The following PTPN9 variants were observed in gnomAD, a reference collection of about 807,000 sequenced individuals.
PTPN9 encodes tyrosine-protein phosphatase non-receptor type 9.
PTPN9 carries 26 observed loss-of-function variants against 69.8 expected under a neutral mutation model. The observed-to-expected ratio is 0.37, with a 90% CI of 0.27 to 0.52. The LOEUF is 0.52. PTPN9 is among the 20% of genes least tolerant of loss of function. The pLI, the probability that PTPN9 is intolerant of heterozygous loss-of-function variation, is 0.91. For synonymous variants in PTPN9, 274 were observed against 272.5 expected (o/e 1.01, Z -0.05); for missense variants, 549 against 740.3 (o/e 0.74, Z 3.00).
chr15:75,523,431 G>A (rs906637575), intron 3 of PTPN9, among the ~76,000 whole-genome samples, 186 bp from the exon 4 acceptor site: 1 of 151,932 alleles, frequency 6.6e-6, no homozygotes, highest in African/African-American at 2.4e-5. Context: ...ATTCTCCCAG[G>A]ACTCCCTGGA....
At chr15:75,551,408 T>G (rs1309935190) in intron 1 of PTPN9, among the ~76,000 whole-genome samples, 1 of 152,104 alleles carries the variant, frequency 6.6e-6, no homozygotes, top group African/African-American at 2.4e-5. Context: ...CATACTGGAG[T>G]GCAGTGCCAC....
rs533272088 is a variant in PTPN9 at position 75,568,171 on chromosome 15, T to G, written c.63+10543A>C. ...TGAGTTCTGGAGCTTCTCTGCCTCC[T>G]GTTCGCACCCTCCATGTCCATGTTT... is the stretch of plus-strand genomic sequence containing the variant. On this transcript the variant is annotated intron_variant, in intron 1 of 12. Transcript: ENST00000618819. 6.6e-5 allele frequency among the ~76,000 whole-genome samples: 10 copies of G among 152,066 alleles called. No individual in the cohort carries two copies. In the South Asian group the frequency reaches 1.7e-3, roughly 25 times the overall value.
At chr15:75,503,769 T>G (rs1333904169) in intron 7 of PTPN9, among the ~76,000 whole-genome samples, 2 of 51,548 alleles carry the variant, frequency 3.9e-5, no homozygotes, top group Non-Finnish European at 7.3e-5. Context: ...GGGAGGGAGG[T>G]GGGGGGGGGG....
At chr15:75,487,054 G>A (rs1294160938) in intron 8 of PTPN9, among the ~76,000 whole-genome samples, 1 of 151,894 alleles carries the variant, frequency 6.6e-6, no homozygotes, top group Non-Finnish European at 1.5e-5. Flanking sequence ...CAAAGTGCTG[G>A]GATTACAGGT....
At chr15:75,553,687 G>A (rs1239018834) in intron 1 of PTPN9, among the ~76,000 whole-genome samples, 1 of 152,096 alleles carries the variant, frequency 6.6e-6, no homozygotes, top group Non-Finnish European at 1.5e-5. Context: ...TTCACTTCTA[G>A]TCCAAAAATC....
intron 8 of PTPN9, among the ~76,000 whole-genome samples, chr15:75,485,956 T>A (rs572047918): frequency 5.3e-5 from 8 of 151,234 alleles, no homozygotes; most frequent in Admixed American, 1.3e-4. Context: ...AAAAATTAGC[T>A]GGGTGTGGTG....
intron 7 of PTPN9, among the ~76,000 whole-genome samples, chr15:75,501,383 T>C (rs2074771407): frequency 1.3e-5 from 2 of 151,878 alleles, no homozygotes; most frequent in African/African-American, 4.8e-5. Flanking sequence ...TTTGGTTAAG[T>C]TGGAATATGA....
At chr15:75,566,904 C>T (rs1486341183) in intron 1 of PTPN9, among the ~76,000 whole-genome samples, 1 of 152,042 alleles carries the variant, frequency 6.6e-6, no homozygotes, top group Admixed American at 6.6e-5. Flanking sequence ...GTGGGAGCAT[C>T]GCTTGAGCCT....
At chr15:75,470,544 C>T (rs1397351248) in intron 11 of PTPN9, 136 bp downstream of exon 11, 34 of 1,063,654 alleles carry the variant, frequency 3.2e-5, no homozygotes, top group Non-Finnish European at 4.5e-5. Flanking sequence ...AGTTAAATAT[C>T]CTCATCCTGT....
intron 4 of PTPN9, among the ~76,000 whole-genome samples, chr15:75,519,027 T>C (rs1043297963): frequency 1.3e-5 from 2 of 152,182 alleles, no homozygotes; most frequent in Non-Finnish European, 2.9e-5. Context: ...TACTCACAGA[T>C]GACAGCAAGA....
intron 5 of PTPN9, among the ~76,000 whole-genome samples, chr15:75,514,641 A>G (rs2141315786): frequency 6.6e-6 from 1 of 152,310 alleles, no homozygotes; most frequent in Admixed American, 6.5e-5. Flanking sequence ...GCTATAAATT[A>G]AGAGACAGTT....
intron 7 of PTPN9, among the ~76,000 whole-genome samples, chr15:75,502,368 A>T (rs1454556995): frequency 2.6e-5 from 4 of 151,868 alleles, no homozygotes; most frequent in Non-Finnish European, 5.9e-5. Context: ...GAATCGCTTG[A>T]ACCTGGGAGG....
At chr15:75,556,166 G>A (rs2075076239) in intron 1 of PTPN9, among the ~76,000 whole-genome samples, 1 of 150,574 alleles carries the variant, frequency 6.6e-6, no homozygotes, top group Non-Finnish European at 1.5e-5. Flanking sequence ...CCACGTTCAA[G>A]CAATTCTCTG....
intron 7 of PTPN9, among the ~76,000 whole-genome samples, chr15:75,504,554 A>G (rs1245685031): frequency 7.5e-6 from 1 of 133,092 alleles, no homozygotes; most frequent in Non-Finnish European, 1.6e-5. Context: ...CCCGTCCAGG[A>G]GGTGAGGGGC....
chr15:75,493,401 C>T (rs538149624), intron 7 of PTPN9, among the ~76,000 whole-genome samples: 4 of 151,422 alleles, frequency 2.6e-5, no homozygotes, highest in Admixed American at 6.6e-5. Context: ...TTTTAATAGA[C>T]GAGATAAAAG....
At chr15:75,514,494 G>A (rs923361287) in intron 5 of PTPN9, among the ~76,000 whole-genome samples, 1 of 152,164 alleles carries the variant, frequency 6.6e-6, no homozygotes, top group Admixed American at 6.5e-5. Flanking sequence ...CATGAGAACT[G>A]CTTGAACCCA....
intron 9 of PTPN9, among the ~76,000 whole-genome samples, 192 bp from the exon 10 acceptor site, chr15:75,473,959 A>C (rs2074582524): frequency 6.6e-6 from 1 of 152,166 alleles, no homozygotes; most frequent in Non-Finnish European, 1.5e-5. Flanking sequence ...AGAGTGTAAG[A>C]AACATGAATC....
chr15:75,500,759 G>A (rs901188222), intron 7 of PTPN9, among the ~76,000 whole-genome samples: 1 of 151,588 alleles, frequency 6.6e-6, no homozygotes, highest in East Asian at 1.9e-4. Context: ...GGTGGTGCAT[G>A]TCTGTGGTCT....
chr15:75,527,297 AGAGAG>A (rs745457009), intron 1 of PTPN9, 36 bp from the exon 2 acceptor site: 1 of 1,609,902 alleles, frequency 6.2e-7, no homozygotes, highest in Admixed American at 1.7e-5. Flanking sequence ...ATTAGTAAGA[AGAGAG>A]CATATTTATG....
Sources: allele counts gnomAD v4.1 joint callset (sites outside exome capture counted in the v4.1 genomes callset), GRCh38; gene constraint gnomAD v4.1.1; transcripts MANE v1.5; gene names NCBI Gene and HGNC (gene_info 2026-07-23, HGNC 2026-07-21).